TAFA5: variants seen among roughly 807,000 people sequenced by gnomAD.
TAFA5 encodes the protein chemokine-like protein TAFA-5.
A neutral mutation model predicts 15.3 loss-of-function variants in TAFA5; 6 were observed. The observed-to-expected ratio is 0.39, with a 90% CI of 0.21 to 0.77. The LOEUF (loss-of-function observed/expected upper bound fraction) is 0.77, where lower values mean the gene tolerates loss of function less well. Ranked by LOEUF, TAFA5 falls within the 30% of genes least tolerant of loss-of-function variation. The probability of loss-of-function intolerance (pLI) is 0.41; values close to 1 mark genes in which losing one functional copy is unlikely to be tolerated. For missense variants in TAFA5, 161 were observed against 193.1 expected (o/e 0.83, Z 0.98); for synonymous variants, 103 against 80.7 (o/e 1.28, Z -1.48).
At chr22:48,666,428 C>T (rs973356907) in intron 2 of TAFA5, among the ~76,000 whole-genome samples, 1 of 59,784 alleles carries the variant, frequency 1.7e-5, no homozygotes, top group African/African-American at 7.2e-5. Flanking sequence ...CTCCCTCCCA[C>T]CACAGGACAC....
intron 1 of TAFA5, among the ~76,000 whole-genome samples, chr22:48,495,715 C>T (rs572218892): frequency 1.7e-4 from 26 of 152,346 alleles, no homozygotes; most frequent in African/African-American, 6.0e-4. Flanking sequence ...AATGTAGCAG[C>T]GTCATCCTCA....
At chr22:48,730,311 G>A (rs188548695) in intron 3 of TAFA5, among the ~76,000 whole-genome samples, 37 of 152,188 alleles carry the variant, frequency 2.4e-4, no homozygotes, top group African/African-American at 3.9e-4. Context: ...GCTTGAACCC[G>A]GGAGGTGGAG....
At chr22:48,604,667 A>T (rs952469246) in intron 1 of TAFA5, among the ~76,000 whole-genome samples, 1 of 152,186 alleles carries the variant, frequency 6.6e-6, no homozygotes, top group Non-Finnish European at 1.5e-5. Flanking sequence ...GCAAGCCCCC[A>T]GCTAGCTTGT....
intron 1 of TAFA5, among the ~76,000 whole-genome samples, chr22:48,580,700 T>C (rs1601592456): frequency 6.6e-6 from 1 of 152,206 alleles, no homozygotes; most frequent in South Asian, 2.1e-4. Context: ...CTCTGTGTTC[T>C]CAATGCTTAC....
intron 1 of TAFA5, among the ~76,000 whole-genome samples, chr22:48,559,664 G>A (rs1367464617): frequency 6.6e-6 from 1 of 152,252 alleles, no homozygotes; most frequent in East Asian, 1.9e-4. Flanking sequence ...ACCTAGAGGG[G>A]ATATGGGGTT....
chr22:48,527,066 A>C (rs1921805098), intron 1 of TAFA5, among the ~76,000 whole-genome samples: 1 of 152,210 alleles, frequency 6.6e-6, no homozygotes, highest in African/African-American at 2.4e-5. Context: ...CATTTGGAGA[A>C]CTCAGATGTA....
chr22:48,678,823 G>A (rs1463706621), intron 2 of TAFA5, among the ~76,000 whole-genome samples: 1 of 150,752 alleles, frequency 6.6e-6, no homozygotes, highest in Admixed American at 6.6e-5. Context: ...TGTAAGGACA[G>A]AAGAAACTTC....
intron 1 of TAFA5, among the ~76,000 whole-genome samples, chr22:48,518,839 C>T (rs1339493328): frequency 1.3e-5 from 2 of 152,216 alleles, no homozygotes; most frequent in Non-Finnish European, 2.9e-5. Flanking sequence ...CACTTTACAC[C>T]CATGTGGAAA....
chr22:48,497,342 G>A (rs1355653649), intron 1 of TAFA5, among the ~76,000 whole-genome samples: 1 of 152,176 alleles, frequency 6.6e-6, no homozygotes, highest in Non-Finnish European at 1.5e-5. Context: ...CAGCCTCGCT[G>A]CTGGTTTCTG....
intron 1 of TAFA5, among the ~76,000 whole-genome samples, chr22:48,614,933 C>T (rs983850451): frequency 5.9e-5 from 9 of 152,250 alleles, no homozygotes; most frequent in East Asian, 5.8e-4. Flanking sequence ...TCCCAGTCAC[C>T]GGGGCCAGAA....
chr22:48,704,230 T>G lies in TAFA5; in HGVS notation c.263-3487T>G, dbSNP rs541118442. Among the ~76,000 whole-genome samples, 5 of 151,540 alleles carry G rather than the reference T, an allele frequency of 3.3e-5. No homozygotes were observed. The South Asian group carries it at 1.0e-3, about 32-fold the overall frequency. On this transcript the variant is annotated intron_variant, in intron 2 of 3. Transcript: ENST00000402357. Reference sequence around the variant, plus strand: ...CACACACACACACACACACGATGCTTTCTGTAATTTGTCCAGCTCTTTTCT... The same window carrying G: ...CACACACACACACACACACGATGCTGTCTGTAATTTGTCCAGCTCTTTTCT...
intron 2 of TAFA5, among the ~76,000 whole-genome samples, chr22:48,699,362 T>C (rs1928831821): frequency 6.6e-6 from 1 of 151,880 alleles, no homozygotes; most frequent in Admixed American, 6.6e-5. Context: ...ATAAACCAAA[T>C]AAACTGAGGC....
intron 2 of TAFA5, among the ~76,000 whole-genome samples, chr22:48,652,839 G>A (rs1478925824): frequency 2.0e-5 from 3 of 150,762 alleles, no homozygotes; most frequent in Non-Finnish European, 4.4e-5. Flanking sequence ...TGGACATGTC[G>A]GCTTCCTTCT....
rs1428263473 is a variant in TAFA5, at chr22:48,585,540, AC to A, written c.113-61056del. Among the ~76,000 whole-genome samples the A allele has an allele frequency of 4.6e-5, 7 of 151,050 alleles. No homozygotes were observed. The East Asian group carries it at 1.4e-3, about 30-fold the overall frequency. On this transcript the variant is annotated intron_variant, in intron 1 of 3. Transcript: ENST00000402357. ...AGATACCACACACCACTCACAAAAA[AC>A]ATCACACTGCTCATACCACACAGCA...
At chr22:48,690,215 C>A (rs1432423745) in intron 2 of TAFA5, among the ~76,000 whole-genome samples, 1 of 152,168 alleles carries the variant, frequency 6.6e-6, no homozygotes, top group Non-Finnish European at 1.5e-5. Flanking sequence ...TGGATGTGAC[C>A]CTTCTCCCAC....
At chr22:48,724,913 TCACAGAAGAGG>T (rs1383948702) in intron 3 of TAFA5, among the ~76,000 whole-genome samples, 3 of 152,232 alleles carry the variant, frequency 2.0e-5, no homozygotes, top group African/African-American at 7.2e-5. Context: ...GAGGTAAGTT[TCACAGAAGAGG>T]CACAGAGATG....
intron 3 of TAFA5, among the ~76,000 whole-genome samples, chr22:48,743,490 A>G (rs1930240620): frequency 6.6e-6 from 1 of 152,200 alleles, no homozygotes; most frequent in African/African-American, 2.4e-5. Context: ...GTAAGACCCC[A>G]TGCACAGGTA....
chr22:48,731,214 G>A (rs1255591499), intron 3 of TAFA5, among the ~76,000 whole-genome samples: 2 of 152,322 alleles, frequency 1.3e-5, no homozygotes, highest in South Asian at 2.1e-4. Context: ...GAAGGGAGGA[G>A]GCTGCAGAAG....
chr22:48,561,973 C>T (rs980538295), intron 1 of TAFA5, among the ~76,000 whole-genome samples: 1 of 152,148 alleles, frequency 6.6e-6, no homozygotes, highest in Non-Finnish European at 1.5e-5. Context: ...CTCAGGCTCC[C>T]TGAGTGCTCT....
Sources: allele counts gnomAD v4.1 joint callset (sites outside exome capture counted in the v4.1 genomes callset), GRCh38; gene constraint gnomAD v4.1.1; transcripts MANE v1.5; gene names NCBI Gene and HGNC (gene_info 2026-07-23, HGNC 2026-07-21).